Variants in CYP4Z1 observed in about 807,000 individuals in gnomAD.
CYP4Z1 encodes cytochrome P450 family 4 subfamily Z member 1, also known as cytochrome P450 4Z1.
CYP4Z1 carries 41 observed loss-of-function variants against 54.2 expected under a neutral mutation model. That is an observed-to-expected ratio of 0.76 (90% CI 0.59 to 0.98). The LOEUF (loss-of-function observed/expected upper bound fraction) is 0.98, where lower values mean the gene tolerates loss of function less well. CYP4Z1 is among the 50% of genes least tolerant of loss of function. CYP4Z1 has a pLI of 0.00. For missense variants in CYP4Z1, 513 were observed against 599.0 expected (o/e 0.86, Z 1.50); for synonymous variants, 163 against 206.2 (o/e 0.79, Z 1.79).
chr1:47,110,170 G>A (rs1286217118), intron 9 of CYP4Z1, among the ~76,000 whole-genome samples: 1 of 130,294 alleles, frequency 7.7e-6, no homozygotes, highest in African/African-American at 3.0e-5. Flanking sequence ...CAATGGCCTA[G>A]TATGTGCCAT....
At chr1:47,057,056 G>A in the CYP4Z1 span, among the ~76,000 whole-genome samples, 1 of 151,688 alleles carries the variant, frequency 6.6e-6, no homozygotes, top group African/African-American at 2.4e-5. Flanking sequence ...AGTAGCTGGT[G>A]CCAGTTGTTC....
chr1:47,115,148 G>A (rs1420189530), intron 9 of CYP4Z1, among the ~76,000 whole-genome samples: 3 of 152,166 alleles, frequency 2.0e-5, no homozygotes, highest in South Asian at 2.1e-4. Context: ...CCTTTGTAGG[G>A]ACACGGATGA....
At chr1:47,096,459 T>C (rs960427969) in intron 7 of CYP4Z1, among the ~76,000 whole-genome samples, 2 of 152,088 alleles carry the variant, frequency 1.3e-5, no homozygotes, top group Non-Finnish European at 2.9e-5. Flanking sequence ...TAGTACACAC[T>C]GTTTTTATTT....
At chr1:47,082,996 C>G (rs574975547) in intron 4 of CYP4Z1, among the ~76,000 whole-genome samples, 1 of 152,264 alleles carries the variant, frequency 6.6e-6, no homozygotes, top group South Asian at 2.1e-4. Context: ...AGAGAAGACA[C>G]AATTGTGTGT....
intron 10 of CYP4Z1, 152 bp from the exon 11 acceptor site, chr1:47,116,498 G>A (rs1644830905): frequency 4.0e-6 from 2 of 504,234 alleles, no homozygotes; most frequent in Non-Finnish European, 7.2e-6. Flanking sequence ...GGAACATCAA[G>A]CAGGACTTGT....
chr1:47,105,581 C>T lies in CYP4Z1; in HGVS notation c.1068-547C>T, dbSNP rs142030347. On this transcript the variant is annotated intron_variant, in intron 8 of 11. Coordinates refer to ENST00000334194, the MANE Select transcript of CYP4Z1 (RefSeq NM_178134.3). ...CCGCCAAACAGGCTGCCTCACTTCC[C>T]TCTCCTTCCTTGCTTTTGGTGCTTT... is the stretch of plus-strand genomic sequence containing the variant. Among the ~76,000 whole-genome samples, 740 of 152,252 alleles carry T rather than the reference C, an allele frequency of 4.9e-3. 7 individuals are homozygous for T. The highest frequency in any genetic ancestry group is 0.017 in the African/African-American group (691 of 41,548).
intron 10 of CYP4Z1, 96 bp from the exon 11 acceptor site, chr1:47,116,554 T>G: frequency 1.3e-6 from 1 of 752,572 alleles, no homozygotes; most frequent in South Asian, 2.3e-5. Flanking sequence ...TGGAATTCTG[T>G]TAACAATATC....
upstream of CYP4Z1, among the ~76,000 whole-genome samples, chr1:47,064,110 T>G: frequency 7.4e-6 from 1 of 135,322 alleles, no homozygotes; most frequent in Non-Finnish European, 1.5e-5. Flanking sequence ...TGAGATAGAG[T>G]CTCACTCTGT....
At chr1:47,073,951 A>G (rs907689481) in intron 2 of CYP4Z1, among the ~76,000 whole-genome samples, 1 of 151,864 alleles carries the variant, frequency 6.6e-6, no homozygotes, top group Non-Finnish European at 1.5e-5. Context: ...CATTTTTATG[A>G]AATCTAACTT....
At chr1:47,090,600 T>C (rs899082085) in intron 6 of CYP4Z1, among the ~76,000 whole-genome samples, 5 of 152,324 alleles carry the variant, frequency 3.3e-5, no homozygotes, top group African/African-American at 9.6e-5. Context: ...AGGTTAGAAA[T>C]AGTGAAAAGT....
chr1:47,100,342 A>G (rs1201110840), intron 8 of CYP4Z1, among the ~76,000 whole-genome samples: 13 of 152,158 alleles, frequency 8.5e-5, no homozygotes, highest in Admixed American at 1.3e-4. Flanking sequence ...TTCACTTTCC[A>G]TGATTTCACT....
Position 47,068,652 on chromosome 1 carries a change from C to T in CYP4Z1, c.208C>T (p.His70Tyr). The change falls in exon 2 of 12, where the codon CAT becomes TAT. Residue 70 changes from histidine to tyrosine, a missense_variant. Transcript: ENST00000334194. ...CCCAGTAAAGGAGTTTGAGGTGTAT[C>T]ATAAGCTGATGGAAAAATACCCATG... ...FYPVKEFEVY[H>Y]KLMEKYPCAV... is the part of the protein sequence containing the mutation. 6.2e-7 allele frequency: 1 copy of T among 1,614,098 alleles called. No individual in the cohort carries two copies. The highest frequency in any genetic ancestry group is 8.5e-7 in the Non-Finnish European group (1 of 1,179,970).
rs568878607 is a variant in CYP4Z1 at position 47,078,067 on chromosome 1, G to A, written c.320-2556G>A. 1.9e-3 allele frequency among the ~76,000 whole-genome samples: 295 copies of A among 152,068 alleles called. 1 individual carries two copies. The highest frequency in any genetic ancestry group is 3.4e-3 in the Middle Eastern group (1 of 294). ...TTCAGTTATTTTCATAGTGATTAAC[G>A]TGAGATTAAAATTAATATCTTAAAG... On this transcript the variant is annotated intron_variant, in intron 2 of 11. Transcript: ENST00000334194.
intron 8 of CYP4Z1, among the ~76,000 whole-genome samples, chr1:47,104,845 C>G (rs7519903): frequency 0.43 from 65,262 of 151,746 alleles, 15,386 homozygotes; most frequent in East Asian, 0.96. Flanking sequence ...CAGGCTGCTA[C>G]AAGAATGCTC....
intron 4 of CYP4Z1, among the ~76,000 whole-genome samples, chr1:47,082,780 T>C (rs577339404): frequency 4.4e-4 from 66 of 150,774 alleles, no homozygotes; most frequent in African/African-American, 1.3e-3. Context: ...CATGCCAACA[T>C]AGAGAAATGT....
chr1:47,094,467 G>C (rs1644661980), intron 6 of CYP4Z1, 99 bp from the exon 7 acceptor site: 1 of 792,256 alleles, frequency 1.3e-6, no homozygotes, highest in East Asian at 2.9e-5. Flanking sequence ...GGGCAGCCAG[G>C]GGCTACCGAT....
chr1:47,091,851 C>T lies in CYP4Z1; in HGVS notation c.773-2715C>T, dbSNP rs138524621. Among the ~76,000 whole-genome samples, 730 of 149,742 alleles carry T rather than the reference C, an allele frequency of 4.9e-3. 15 individuals are homozygous for T. The highest frequency in any genetic ancestry group is 0.017 in the African/African-American group (689 of 41,124). On this transcript the variant is annotated intron_variant, in intron 6 of 11. Transcript: ENST00000334194. ...ACTAAGGTTGAGAAAAATATTGGAT[C>T]AGAGTTTTTCCTGATATGCCCCTTC... is the stretch of plus-strand genomic sequence containing the variant.
At chr1:47,108,909 A>C (rs1165569673) in intron 9 of CYP4Z1, among the ~76,000 whole-genome samples, 2 of 152,078 alleles carry the variant, frequency 1.3e-5, no homozygotes. Context: ...CAAGTCCTAG[A>C]ATATCAGCTA....
chr1:47,068,751 C>A lies in CYP4Z1; in HGVS notation c.307C>A (p.Leu103Met), dbSNP rs771067083. The change falls in exon 2 of 12, where the codon CTG becomes ATG. Residue 103 changes from leucine (L) to methionine (M), a missense_variant. Leu to Met is a conservative substitution (Grantham distance 15, BLOSUM62 2). Coordinates refer to ENST00000334194, the MANE Select transcript of CYP4Z1 (RefSeq NM_178134.3). ...VHDPDYAKIL[L>M]KRQDPKSAVS... ...TGACCCAGACTATGCCAAGATTCTC[C>A]TGAAAAGACAAGGTAAAAACCAAGA... The A allele has an allele frequency of 6.2e-7, 1 of 1,613,998 alleles. No homozygotes were observed. Among genetic ancestry groups the A allele is most frequent in the Non-Finnish European group, 8.5e-7 (1 of 1,179,946 alleles).
Sources: allele counts gnomAD v4.1 joint callset (sites outside exome capture counted in the v4.1 genomes callset), GRCh38; gene constraint gnomAD v4.1.1; transcripts MANE v1.5; gene names NCBI Gene and HGNC (gene_info 2026-07-23, HGNC 2026-07-21).